The following RAP1GDS1 variants were observed in gnomAD, a reference collection of about 807,000 sequenced individuals.
The protein encoded by RAP1GDS1 is RAP1, GTP-GDP dissociation stimulator 1.
Under a neutral mutation model 71.1 loss-of-function variants are expected in RAP1GDS1, and 35 were observed. The ratio of observed to expected loss-of-function variants is 0.49; its 90% confidence interval spans 0.38 to 0.65. The LOEUF (loss-of-function observed/expected upper bound fraction) is 0.65. RAP1GDS1 is among the 30% of genes least tolerant of loss of function. The pLI is 0.00. For missense variants in RAP1GDS1, 663 were observed against 706.1 expected, an observed-to-expected ratio of 0.94 and a Z score of 0.69; for synonymous variants, 229 against 243.1, an observed-to-expected ratio of 0.94 and a Z score of 0.54.
At chr4:98,279,010 C>T (rs922652257) in intron 1 of RAP1GDS1, among the ~76,000 whole-genome samples, 14 of 152,084 alleles carry the variant, frequency 9.2e-5, no homozygotes, top group Admixed American at 5.2e-4. Context: ...ATCATGAGGT[C>T]AGGAGATCGA....
At chr4:98,346,720 A>G (rs1736357399) in intron 3 of RAP1GDS1, among the ~76,000 whole-genome samples, 1 of 151,984 alleles carries the variant, frequency 6.6e-6, no homozygotes. Context: ...AATTTTTTGT[A>G]TCTTTAGTAG....
intron 4 of RAP1GDS1, among the ~76,000 whole-genome samples, chr4:98,366,355 C>G (rs1739487776): frequency 6.6e-6 from 1 of 152,174 alleles, no homozygotes; most frequent in Non-Finnish European, 1.5e-5. Context: ...GAGGCTTTCC[C>G]AACCACGTGG....
chr4:98,384,025 C>T (rs528736036), intron 5 of RAP1GDS1, among the ~76,000 whole-genome samples: 14 of 151,568 alleles, frequency 9.2e-5, no homozygotes, highest in South Asian at 4.1e-4. Context: ...TTTTACCTTA[C>T]TCTAAGGAAA....
At chr4:98,284,025 A>G (rs1360947136) in intron 1 of RAP1GDS1, among the ~76,000 whole-genome samples, 1 of 152,126 alleles carries the variant, frequency 6.6e-6, no homozygotes, top group Non-Finnish European at 1.5e-5. Context: ...AGCTACCTAT[A>G]CAGAAGGAAG....
rs770554377 is a variant in RAP1GDS1, at chr4:98,433,919, G to T, written c.1441-17G>T. Reference sequence around the variant, plus strand: ...TTAAAATTAAAGTCTATAATTCTCTGATATTATTTATTGTAGGATGTAATT... The same window carrying T: ...TTAAAATTAAAGTCTATAATTCTCTTATATTATTTATTGTAGGATGTAATT... On this transcript the variant is annotated splice_polypyrimidine_tract_variant and intron_variant, in intron 12 of 14. Transcript: ENST00000408927. 6.3e-7 allele frequency: 1 copy of T among 1,589,622 alleles called. No homozygotes were observed. Among genetic ancestry groups the T allele is most frequent in the Non-Finnish European group, 8.6e-7 (1 of 1,160,054 alleles).
chr4:98,395,988 AG>A (rs1176622047), intron 6 of RAP1GDS1: 5 of 157,620 alleles, frequency 3.2e-5, no homozygotes, highest in Admixed American at 6.5e-5. Context: ...TGAGGGACTC[AG>A]GAAGCTTACA....
intron 12 of RAP1GDS1, among the ~76,000 whole-genome samples, chr4:98,422,365 G>C (rs554837092): frequency 6.6e-6 from 1 of 151,866 alleles, no homozygotes; most frequent in Non-Finnish European, 1.5e-5. Flanking sequence ...TTACAGGCAG[G>C]CGCCACCACA....
In RAP1GDS1 at chr4:98,376,903, A is replaced by G. The variant is rs573098905; in HGVS notation, c.362-2114A>G. 7.9e-5 allele frequency among the ~76,000 whole-genome samples: 12 copies of G among 152,052 alleles called. No individual in the cohort carries two copies. In the South Asian group the frequency reaches 2.5e-3, roughly 31 times the overall value. The stretch of plus-strand genomic sequence containing the variant: ...CTGTGGCTCTGAAACACAAATAGGT[A>G]ATTTGCTTTTAATTGTATTGTGTTT... On this transcript the variant is annotated intron_variant, in intron 4 of 14. Coordinates refer to ENST00000408927, the MANE Select transcript of RAP1GDS1 (RefSeq NM_001100427.2).
At chr4:98,267,560 G>T (rs1286116404) in intron 1 of RAP1GDS1, among the ~76,000 whole-genome samples, 2 of 152,068 alleles carry the variant, frequency 1.3e-5, no homozygotes, top group African/African-American at 4.8e-5. Flanking sequence ...TGTACACCCA[G>T]TGCTTAGCTT....
chr4:98,427,988 T>C (rs1237320739), intron 12 of RAP1GDS1, among the ~76,000 whole-genome samples: 2 of 152,082 alleles, frequency 1.3e-5, no homozygotes, highest in Non-Finnish European at 1.5e-5. Context: ...CAAAACAACA[T>C]GGTAGTGGTA....
chr4:98,441,952 C>A, intron 14 of RAP1GDS1, 38 bp from the exon 15 acceptor site: 1 of 1,606,582 alleles, frequency 6.2e-7, no homozygotes, highest in Non-Finnish European at 8.5e-7. Flanking sequence ...CTTAGAACAA[C>A]CTAACAGAAT....
chr4:98,300,111 C>G (rs931771021), intron 2 of RAP1GDS1, among the ~76,000 whole-genome samples: 2 of 152,124 alleles, frequency 1.3e-5, no homozygotes, highest in African/African-American at 4.8e-5. Context: ...CTACGGGTAT[C>G]TTTTGTGAAA....
intron 2 of RAP1GDS1, among the ~76,000 whole-genome samples, chr4:98,300,930 A>G (rs927983318): frequency 3.9e-5 from 6 of 152,028 alleles, no homozygotes; most frequent in African/African-American, 1.4e-4. Flanking sequence ...AGCTTTATGC[A>G]TTTACTATTT....
intron 1 of RAP1GDS1, among the ~76,000 whole-genome samples, chr4:98,280,033 A>G (rs1006137701): frequency 6.6e-6 from 1 of 152,162 alleles, no homozygotes; most frequent in African/African-American, 2.4e-5. Context: ...GTTCGTTCCC[A>G]GTCTTTGCTA....
chr4:98,269,674 T>A (rs1450280404), intron 1 of RAP1GDS1, among the ~76,000 whole-genome samples: 1 of 152,156 alleles, frequency 6.6e-6, no homozygotes, highest in Non-Finnish European at 1.5e-5. Flanking sequence ...AAATCTGAAA[T>A]GCTTCAAAAT....
At chr4:98,345,601 C>T (rs1035197917) in intron 3 of RAP1GDS1, among the ~76,000 whole-genome samples, 2 of 152,112 alleles carry the variant, frequency 1.3e-5, no homozygotes, top group African/African-American at 2.4e-5. Context: ...CAGAATTGGG[C>T]TCTCAAAGTA....
At chr4:98,422,795 C>A (rs1158895085) in intron 12 of RAP1GDS1, among the ~76,000 whole-genome samples, 1 of 152,202 alleles carries the variant, frequency 6.6e-6, no homozygotes, top group Non-Finnish European at 1.5e-5. Context: ...TGAGAACTTT[C>A]CCTGGGGAAA....
At chr4:98,349,721 T>C (rs893215686) in intron 3 of RAP1GDS1, among the ~76,000 whole-genome samples, 2 of 152,214 alleles carry the variant, frequency 1.3e-5, no homozygotes, top group African/African-American at 2.4e-5. Context: ...TTTATTCTCT[T>C]TGAAGCAATT....
intron 4 of RAP1GDS1, among the ~76,000 whole-genome samples, chr4:98,367,277 G>A (rs1415443593): frequency 6.6e-6 from 1 of 152,162 alleles, no homozygotes; most frequent in South Asian, 2.1e-4. Flanking sequence ...TCCTGCGAGT[G>A]CACAGAAGTC....
Sources: allele counts gnomAD v4.1 joint callset (sites outside exome capture counted in the v4.1 genomes callset), GRCh38; gene constraint gnomAD v4.1.1; transcripts MANE v1.5; gene names NCBI Gene and HGNC (gene_info 2026-07-23, HGNC 2026-07-21).